The following GRIA3 variants were observed in gnomAD, a reference collection of about 807,000 sequenced individuals.
The protein encoded by GRIA3 is glutamate receptor 3.
Under a neutral mutation model 63.0 loss-of-function variants are expected in GRIA3, and 3 were observed. The ratio of observed to expected loss-of-function variants is 0.05; its 90% CI spans 0.02 to 0.12. The LOEUF (loss-of-function observed/expected upper bound fraction) is 0.12. GRIA3 is among the 10% of genes least tolerant of loss of function. The pLI, the probability that GRIA3 is intolerant of heterozygous loss-of-function variation, is 1.00. For synonymous variants in GRIA3, 274 were observed against 257.9 expected, an observed-to-expected ratio of 1.06 and a Z score of -0.60; for missense variants, 347 against 700.9, an observed-to-expected ratio of 0.50 and a Z score of 5.70.
chrX:123,366,850 A>G (rs2045213759), intron 5 of GRIA3, among the ~76,000 whole-genome samples: 1 of 111,782 alleles, frequency 8.9e-6, no homozygotes, highest in Admixed American at 9.5e-5. Flanking sequence ...AGTCATTGGT[A>G]TCTTATTCAA....
At chrX:123,463,366 A>T (rs1003430786) in intron 12 of GRIA3, among the ~76,000 whole-genome samples, 15 of 107,606 alleles carry the variant, frequency 1.4e-4, no homozygotes, top group African/African-American at 4.8e-4. Context: ...TAGGAAACAT[A>T]GTGAGACCTC....
intron 10 of GRIA3, among the ~76,000 whole-genome samples, chrX:123,408,719 T>C (rs2045489364): frequency 8.9e-6 from 1 of 112,090 alleles, no homozygotes; most frequent in African/African-American, 3.2e-5. Context: ...GGGAGGCTCT[T>C]ACAGAAATGT....
At chrX:123,204,593 A>G in intron 2 of GRIA3, 1 of 1,130,763 alleles carries the variant, frequency 8.8e-7, no homozygotes, top group Middle Eastern at 3.3e-4. Flanking sequence ...CTCTGGAGAT[A>G]AAATAAAAAG....
At chrX:123,305,841 G>A in intron 3 of GRIA3, among the ~76,000 whole-genome samples, 1 of 112,061 alleles carries the variant, frequency 8.9e-6, no homozygotes, top group East Asian at 2.8e-4. Flanking sequence ...TCGAACCTTG[G>A]ATTCCCTGTC....
chrX:123,364,173 T>A (rs2045195974), intron 5 of GRIA3, among the ~76,000 whole-genome samples: 1 of 112,351 alleles, frequency 8.9e-6, no homozygotes, highest in Non-Finnish European at 1.9e-5. Context: ...TTAAAATCCT[T>A]ATGAAATAAT....
intron 12 of GRIA3, among the ~76,000 whole-genome samples, chrX:123,464,116 TA>T (rs1036635184): frequency 1.8e-5 from 2 of 109,535 alleles, no homozygotes; most frequent in African/African-American, 6.7e-5. Context: ...CGTTGTACAT[TA>T]AAAAAAAGAA....
intron 2 of GRIA3, among the ~76,000 whole-genome samples, chrX:123,239,637 C>T (rs1044285233): frequency 1.8e-5 from 2 of 112,001 alleles, no homozygotes; most frequent in Non-Finnish European, 3.8e-5. Flanking sequence ...AGTACAATGC[C>T]TAAAACAGTT....
intron 4 of GRIA3, among the ~76,000 whole-genome samples, chrX:123,337,520 A>G (rs1379183848): frequency 1.8e-5 from 2 of 111,914 alleles, no homozygotes; most frequent in Non-Finnish European, 3.8e-5. Context: ...ACACAGAAAA[A>G]GGATAACTAG....
chrX:123,451,282 C>T (rs766105644), intron 12 of GRIA3, among the ~76,000 whole-genome samples: 88 of 109,215 alleles, frequency 8.1e-4, no homozygotes, highest in Non-Finnish European at 1.4e-3. Context: ...ATGAGGAACA[C>T]TTGAGCCCAG....
intron 5 of GRIA3, among the ~76,000 whole-genome samples, chrX:123,372,815 A>G (rs2045255923): frequency 9.0e-6 from 1 of 111,239 alleles, no homozygotes; most frequent in East Asian, 2.8e-4. Flanking sequence ...ATCATCTACA[A>G]AGATAATTTG....
At chrX:123,464,169 G>T (rs1426778745) in intron 12 of GRIA3, among the ~76,000 whole-genome samples, 2 of 110,456 alleles carry the variant, frequency 1.8e-5, no homozygotes, top group Non-Finnish European at 3.8e-5. Context: ...TAGCTCTAGG[G>T]GATAGTACCG....
rs754119237 is a variant in GRIA3 at position 123,317,332 on chromosome X, C to A, written c.509-8694C>A. Reference sequence around the variant, plus strand: ...CATGTCCTCACATTTCAAAACCAATCATGCCTTCCCAACAGTCCCCCAAAG... The same window carrying A: ...CATGTCCTCACATTTCAAAACCAATAATGCCTTCCCAACAGTCCCCCAAAG... On this transcript the variant is annotated intron_variant, in intron 3 of 15. Coordinates refer to ENST00000620443, the MANE Select transcript of GRIA3 (RefSeq NM_007325.5). Among the ~76,000 whole-genome samples, 6 of 111,323 alleles carry A rather than the reference C, an allele frequency of 5.4e-5. No individual in the cohort carries two copies. In the East Asian group the frequency reaches 1.1e-3, roughly 21 times the overall value.
At chrX:123,252,577 G>C (rs1033562481) in intron 2 of GRIA3, among the ~76,000 whole-genome samples, 4 of 111,742 alleles carry the variant, frequency 3.6e-5, no homozygotes, top group African/African-American at 1.3e-4. Context: ...TGAAGGAAAG[G>C]TGACAACTGT....
At chrX:123,269,411 G>A (rs1337099335) in intron 3 of GRIA3, among the ~76,000 whole-genome samples, 3 of 112,099 alleles carry the variant, frequency 2.7e-5, no homozygotes, top group Non-Finnish European at 3.8e-5. Context: ...GCTCTTACTA[G>A]GGTTACAGGA....
At chrX:123,208,903 T>C (rs1927966486) in intron 2 of GRIA3, among the ~76,000 whole-genome samples, 1 of 112,305 alleles carries the variant, frequency 8.9e-6, no homozygotes, top group Non-Finnish European at 1.9e-5. Flanking sequence ...ACTTTCATTC[T>C]CCACTGAAAA....
chrX:123,436,884 G>C (rs542212507), intron 12 of GRIA3, among the ~76,000 whole-genome samples: 30 of 110,826 alleles, frequency 2.7e-4, no homozygotes, highest in African/African-American at 9.2e-4. Flanking sequence ...TCTTCAATTA[G>C]ACTTTACTTG....
chrX:123,478,989 A>G (rs1277237882), intron 13 of GRIA3, among the ~76,000 whole-genome samples: 1 of 112,906 alleles, frequency 8.9e-6, no homozygotes, highest in Admixed American at 9.3e-5. Context: ...TTTACAGCTG[A>G]AGAAATTTAT....
chrX:123,309,321 C>G (rs765245866), intron 3 of GRIA3, among the ~76,000 whole-genome samples: 1 of 107,111 alleles, frequency 9.3e-6, no homozygotes, highest in East Asian at 3.0e-4. Context: ...GAGCCAAGAT[C>G]GTGCCACTGC....
chrX:123,394,103 T>G (rs143217029), intron 5 of GRIA3, among the ~76,000 whole-genome samples: 6,239 of 112,290 alleles, frequency 0.056, 367 homozygotes, highest in African/African-American at 0.18. Flanking sequence ...GGCTCATGCC[T>G]GTAATCCCAG....
Sources: allele counts gnomAD v4.1 joint callset (sites outside exome capture counted in the v4.1 genomes callset), GRCh38; gene constraint gnomAD v4.1.1; transcripts MANE v1.5; gene names NCBI Gene and HGNC (gene_info 2026-07-23, HGNC 2026-07-21).